MYOCD: variants seen among roughly 807,000 people sequenced by gnomAD.
The protein encoded by MYOCD is myocardin.
A neutral mutation model predicts 96.1 loss-of-function variants in MYOCD; 32 were observed. The observed-to-expected ratio is 0.33, with a 90% CI of 0.25 to 0.45. The LOEUF is 0.45. Among genes scored for constraint, MYOCD ranks in the 20% least tolerant of loss-of-function variants. The probability of loss-of-function intolerance (pLI) is 1.00; values close to 1 mark genes in which losing one functional copy is unlikely to be tolerated. For synonymous variants in MYOCD, 469 were observed against 469.0 expected (o/e 1.00, Z 0.00); for missense variants, 1,133 against 1,200.6 (o/e 0.94, Z 0.83).
At chr17:12,678,135 C>T (rs1292875807) in intron 1 of MYOCD, among the ~76,000 whole-genome samples, 1 of 151,846 alleles carries the variant, frequency 6.6e-6, no homozygotes, top group Non-Finnish European at 1.5e-5. Context: ...TCGTGATTTG[C>T]CCGCCTCAGC....
At chr17:12,730,918 A>G (rs2032151717) in intron 5 of MYOCD, among the ~76,000 whole-genome samples, 4 of 152,194 alleles carry the variant, frequency 2.6e-5, no homozygotes, top group African/African-American at 7.2e-5. Flanking sequence ...TAATCTTGGC[A>G]TTTTAAATGT....
chr17:12,697,009 G>T (rs8077137), intron 1 of MYOCD, among the ~76,000 whole-genome samples: 21,471 of 151,980 alleles, frequency 0.14, 2,213 homozygotes, highest in African/African-American at 0.29. Context: ...TCTCCAAACA[G>T]GCTGGATTTG....
At chr17:12,676,924 C>G (rs1273781570) in intron 1 of MYOCD, among the ~76,000 whole-genome samples, 2 of 152,092 alleles carry the variant, frequency 1.3e-5, no homozygotes, top group Non-Finnish European at 2.9e-5. Flanking sequence ...AAGAATGCCT[C>G]CTTCATTGGA....
Position 12,767,643 on chromosome 17 carries a change from G to T in MYOCD, c.*3999G>T, listed in dbSNP as rs12450539. 68,002 of 151,896 alleles carry T rather than the reference G, an allele frequency of 0.45. 15,598 individuals are homozygous for T. The highest frequency in any genetic ancestry group is 0.56 in the South Asian group (2,678 of 4,816). 9.4% of individuals were successfully genotyped at this position (151,896 alleles called of 1,614,324 possible). On this transcript the variant is annotated 3_prime_UTR_variant, in exon 14 of 14. Coordinates refer to ENST00000425538, the MANE Select transcript of MYOCD (RefSeq NM_001146312.3). ...AAAGGGGTCTTCATTTTTCCAAGAG[G>T]GGGTGGAGGTGGGGATCACTTTTTA...
chr17:12,764,698 T>A lies in MYOCD; in HGVS notation c.*1054T>A, dbSNP rs1174862719. ...TATCTTTCTCCCACTCCACTTTTCC[T>A]TCAAGGTACCAATCCTTTCCTGTTC... On this transcript the variant is annotated 3_prime_UTR_variant, in exon 14 of 14. Coordinates refer to ENST00000425538, the MANE Select transcript of MYOCD (RefSeq NM_001146312.3). 1 of 152,256 alleles carries A rather than the reference T, an allele frequency of 6.6e-6. No individual in the cohort carries two copies. The highest frequency in any genetic ancestry group is 2.4e-5 in the African/African-American group (1 of 41,470). 9.4% of individuals were successfully genotyped at this position (152,256 alleles called of 1,614,324 possible).
Position 12,763,549 on chromosome 17 carries a change from A to G in MYOCD, c.2866A>G (p.Thr956Ala). The G allele has an allele frequency of 1.2e-6, 2 of 1,614,132 alleles. No homozygotes were observed. Among genetic ancestry groups the G allele is most frequent in the Non-Finnish European group, 1.7e-6 (2 of 1,180,014 alleles). ...TTCCACACCAGGCTTTAGCGCCCTC[A>G]CCACCAGCAGCCCCAGCATCTTCAA... ...PNSTPGFSAL[T>A]TSSPSIFNID... is the part of the protein sequence containing the mutation. The change falls in exon 14 of 14, where the codon ACC (threonine) becomes GCC (alanine). Residue 956 changes from threonine (T) to alanine (A), a missense_variant. Coordinates refer to ENST00000425538, the MANE Select transcript of MYOCD (RefSeq NM_001146312.3).
intron 1 of MYOCD, among the ~76,000 whole-genome samples, chr17:12,695,204 A>C (rs940298511): frequency 2.0e-5 from 3 of 152,178 alleles, no homozygotes; most frequent in African/African-American, 7.2e-5. Flanking sequence ...AGAGGCTGGA[A>C]AGTTAAAGCT....
chr17:12,756,453 C>T lies in MYOCD; in HGVS notation c.2098C>T (p.Pro700Ser). 6.4e-7 allele frequency: 1 copy of T among 1,552,122 alleles called. No homozygotes were observed. The highest frequency in any genetic ancestry group is 8.7e-7 in the Non-Finnish European group (1 of 1,147,114). The change falls in exon 11 of 14, where the codon CCC (proline) becomes TCC (serine). Residue 700 changes from proline to serine, a missense_variant. By Grantham distance (74) the Pro-to-Ser change is moderately conservative. Transcript: ENST00000425538. ...AHDGHPPSFS[P>S]HSSSLHPPFS... The stretch of plus-strand genomic sequence containing the variant: ...CGATGGCCATCCTCCAAGCTTCTCT[C>T]CCCATTCTTCCAGCCTCCACCCGCC...
At chr17:12,741,812 C>T (rs2032521122) in intron 7 of MYOCD, among the ~76,000 whole-genome samples, 2 of 151,802 alleles carry the variant, frequency 1.3e-5, no homozygotes, top group Admixed American at 1.3e-4. Flanking sequence ...GTGAAAAAGG[C>T]GATTCTTACA....
At chr17:12,756,641 A>T in intron 11 of MYOCD, 84 bp downstream of exon 11, 2 of 1,291,626 alleles carry the variant, frequency 1.5e-6, no homozygotes, top group Non-Finnish European at 2.1e-6. Flanking sequence ...AGTTGCAGTG[A>T]GCCGAGATCG....
At chr17:12,755,254 C>T (rs190181643) in intron 10 of MYOCD, among the ~76,000 whole-genome samples, 2 of 152,280 alleles carry the variant, frequency 1.3e-5, no homozygotes, top group Non-Finnish European at 2.9e-5. Context: ...CTGCTGCTAA[C>T]GTTGCACAGT....
intron 7 of MYOCD, among the ~76,000 whole-genome samples, chr17:12,740,009 C>T (rs2032459616): frequency 6.6e-6 from 1 of 152,034 alleles, no homozygotes; most frequent in East Asian, 1.9e-4. Context: ...GATCTCAGCT[C>T]ACTGCAACCT....
chr17:12,668,860 C>T (rs889626215), intron 1 of MYOCD, among the ~76,000 whole-genome samples: 1 of 152,126 alleles, frequency 6.6e-6, no homozygotes, highest in Non-Finnish European at 1.5e-5. Flanking sequence ...TCTTACAAAA[C>T]ATTTTTCTAT....
chr17:12,690,196 C>A (rs1430996277), intron 1 of MYOCD, among the ~76,000 whole-genome samples: 1 of 151,572 alleles, frequency 6.6e-6, no homozygotes, highest in South Asian at 2.1e-4. Context: ...AGTGGAAAAT[C>A]TGTCAAAGAA....
rs913675278 is a variant in MYOCD at position 12,674,170 on chromosome 17, G to A, written c.55+7927G>A. On this transcript the variant is annotated intron_variant, in intron 1 of 13. Transcript: ENST00000425538. ...GCTCAAAGATGTTAGACAACTTGGA[G>A]GCCAGGTATGAACGTATTTGTTCCA... Among the ~76,000 whole-genome samples, 3 of 152,146 alleles carry A rather than the reference G, an allele frequency of 2.0e-5. No homozygotes were observed. The East Asian group carries it at 5.8e-4, about 29-fold the overall frequency.
intron 4 of MYOCD, among the ~76,000 whole-genome samples, chr17:12,719,174 CAAAAAAAAA>C (rs71144920): frequency 1.2e-4 from 6 of 49,158 alleles, no homozygotes; most frequent in South Asian, 2.5e-3. Context: ...GACTCTGTCT[CAAAAAAAAA>C]AAAAAAAAAA....
chr17:12,671,297 CA>C (rs1250154999), intron 1 of MYOCD, among the ~76,000 whole-genome samples: 2 of 152,122 alleles, frequency 1.3e-5, no homozygotes, highest in African/African-American at 2.4e-5. Flanking sequence ...TCAAAAACAT[CA>C]AAAACAAGCA....
intron 9 of MYOCD, among the ~76,000 whole-genome samples, chr17:12,747,875 A>C (rs1342287263): frequency 1.3e-5 from 2 of 152,036 alleles, no homozygotes; most frequent in African/African-American, 4.8e-5. Flanking sequence ...TTTAAAAAAA[A>C]AAAAAACTGG....
At chr17:12,695,739 T>C (rs1016991685) in intron 1 of MYOCD, among the ~76,000 whole-genome samples, 3 of 152,210 alleles carry the variant, frequency 2.0e-5, no homozygotes, top group African/African-American at 7.2e-5. Context: ...CTATTAACCA[T>C]TTTAACTGTA....
Sources: gnomAD v4.1 joint callset for allele counts (sites outside exome capture counted in the v4.1 genomes callset) on GRCh38, gnomAD v4.1.1 for gene constraint, MANE v1.5 for transcripts, NCBI Gene and HGNC (gene_info 2026-07-23, HGNC 2026-07-21) for gene names.